KCTD15: variants seen among roughly 807,000 people sequenced by gnomAD.
KCTD15 encodes BTB/POZ domain-containing protein KCTD15.
Under a neutral mutation model 27.2 loss-of-function variants are expected in KCTD15, and 11 were observed. The ratio of observed to expected loss-of-function variants is 0.41; its 90% CI spans 0.25 to 0.67. The LOEUF is 0.67. Among genes scored for constraint, KCTD15 ranks in the 30% least tolerant of loss-of-function variants. The pLI is 0.35. For synonymous variants in KCTD15, 163 were observed against 176.0 expected, an observed-to-expected ratio of 0.93 and a Z score of 0.58; for missense variants, 350 against 409.3, an observed-to-expected ratio of 0.86 and a Z score of 1.25.
chr19:33,804,142 A>G (rs1485094808), intron 4 of KCTD15, among the ~76,000 whole-genome samples: 1 of 151,846 alleles, frequency 6.6e-6, no homozygotes, highest in Non-Finnish European at 1.5e-5. Flanking sequence ...GATTATCCTC[A>G]CCTTTCCTCA....
intron 2 of KCTD15, among the ~76,000 whole-genome samples, chr19:33,799,281 A>G (rs1253145057): frequency 6.6e-6 from 1 of 152,196 alleles, no homozygotes; most frequent in Non-Finnish European, 1.5e-5. Context: ...AAAATTGGAT[A>G]TTGAATTTCA....
At chr19:33,800,306 G>A (rs1327720901) in intron 2 of KCTD15, 122 bp from the exon 3 acceptor site, 4 of 748,742 alleles carry the variant, frequency 5.3e-6, no homozygotes, top group Non-Finnish European at 9.2e-6. Flanking sequence ...ATCAGGGAGG[G>A]CTGCATGGAC....
chr19:33,798,094 G>T (rs1206542844), intron 1 of KCTD15, among the ~76,000 whole-genome samples: 1 of 152,088 alleles, frequency 6.6e-6, no homozygotes, highest in East Asian at 1.9e-4. Context: ...GCGGGAGGGG[G>T]GGGGTGGGGA....
chr19:33,812,801 G>T lies in KCTD15; in HGVS notation c.705G>T (p.Arg235=). 6.8e-7 allele frequency: 1 copy of T among 1,477,696 alleles called. No individual in the cohort carries two copies. The highest frequency in any genetic ancestry group is 9.0e-7 in the Non-Finnish European group (1 of 1,109,268). The allele number at this position is 1,477,696 out of a possible 1,614,324, so 91.5% of individuals were successfully genotyped here. A position where few individuals can be genotyped will look rare whatever the true frequency, so the allele number is the denominator to read the frequency against. The change falls in exon 7 of 7, where the codon CGG becomes CGT. Residue 235 remains arginine, a synonymous_variant. Coordinates refer to ENST00000683859, the MANE Select transcript of KCTD15 (RefSeq NM_001129994.2). ...CRLNSVQVLE[R]LFQRGFSVAA... is the part of the protein sequence containing the mutation. ...TTCTTCCTGGGCAGGTCCTGGAGCG[G>T]CTGTTCCAGAGGGGTTTCAGCGTGG...
At chr19:33,812,404 A>T (rs1220583630) in intron 6 of KCTD15, 1 of 1,040,300 alleles carries the variant, frequency 9.6e-7, no homozygotes, top group Non-Finnish European at 1.2e-6. Flanking sequence ...ACTCTCCATT[A>T]TTGGGGCAGG....
Position 33,813,442 on chromosome 19 carries a change from A to C in KCTD15, c.*494A>C, listed in dbSNP as rs998503802. On this transcript the variant is annotated 3_prime_UTR_variant, in exon 7 of 7. Coordinates refer to ENST00000683859, the MANE Select transcript of KCTD15 (RefSeq NM_001129994.2). ...ACCAATGCTTCTTTATCTGGTGCTC[A>C]GTTCTCAGTCAGACGTGCAGCATGG... is the stretch of plus-strand genomic sequence containing the variant. 1 of 456,092 alleles carries C rather than the reference A, an allele frequency of 2.2e-6. No homozygotes were observed. Among genetic ancestry groups the C allele is most frequent in the Non-Finnish European group, 4.4e-6 (1 of 226,810 alleles). The allele number at this position is 456,092 out of a possible 1,614,324, so 28.3% of individuals were successfully genotyped here.
At chr19:33,812,263 A>T (rs918288514) in intron 6 of KCTD15, 2 of 1,026,474 alleles carry the variant, frequency 1.9e-6, no homozygotes, top group East Asian at 1.8e-4. Context: ...CAGAGACTCA[A>T]ATATTGAGAG....
rs1213276933 is a variant in KCTD15 at position 33,814,924 on chromosome 19, G to A, written c.*1976G>A. 2 of 152,328 alleles carry A rather than the reference G, an allele frequency of 1.3e-5. No individual in the cohort carries two copies. The highest frequency in any genetic ancestry group is 1.9e-4 in the East Asian group (1 of 5,186). 9.4% of individuals were successfully genotyped at this position (152,328 alleles called of 1,614,324 possible). ...GCAGACGCCATCCCACTGTACAATC[G>A]AATTTGCTGGACAAACTTGATAGGT... On this transcript the variant is annotated 3_prime_UTR_variant, in exon 7 of 7. Coordinates refer to ENST00000683859, the MANE Select transcript of KCTD15 (RefSeq NM_001129994.2).
chr19:33,795,587 C>T (rs1273679939), upstream of KCTD15, among the ~76,000 whole-genome samples: 2 of 151,946 alleles, frequency 1.3e-5, no homozygotes, highest in Non-Finnish European at 2.9e-5. Flanking sequence ...CAGGCGGGGG[C>T]GCAGTGCCGG....
At chr19:33,795,774 C>G (rs1975301227), upstream of KCTD15, among the ~76,000 whole-genome samples, 1 of 151,472 alleles carries the variant, frequency 6.6e-6, no homozygotes, top group Admixed American at 6.6e-5. Context: ...GGGGCGCGGA[C>G]CTCGGCCGCG....
intron 1 of KCTD15, among the ~76,000 whole-genome samples, chr19:33,797,247 G>GGTGTGTGTGTGT (rs751185346): frequency 4.4e-4 from 53 of 120,784 alleles, no homozygotes; most frequent in African/African-American, 1.3e-3. Flanking sequence ...CCTGCCGCGC[G>GGTGTGTGTGTGT]GTGTGTGTGT....
At position 33,813,103 on chromosome 19, in the gene KCTD15, C is replaced by T; in HGVS notation, c.*155C>T. On this transcript the variant is annotated 3_prime_UTR_variant, in exon 7 of 7. Transcript: ENST00000683859. ...AGCACCAGGGTCCCAGGTGTCATGG[C>T]AACAGAACGTGGGATGCTGGAGGCA... is the stretch of plus-strand genomic sequence containing the variant. 1 of 738,832 alleles carries T rather than the reference C, an allele frequency of 1.4e-6. No individual in the cohort carries two copies. The highest frequency in any genetic ancestry group is 2.3e-6 in the Non-Finnish European group (1 of 444,342). The allele number at this position is 738,832 out of a possible 1,614,324, so 45.8% of individuals were successfully genotyped here. A position where few individuals can be genotyped will look rare whatever the true frequency, so the allele number is the denominator to read the frequency against.
At chr19:33,800,349 C>A in intron 2 of KCTD15, 79 bp from the exon 3 acceptor site, 1 of 1,195,376 alleles carries the variant, frequency 8.4e-7, no homozygotes, top group Non-Finnish European at 1.2e-6. Context: ...GCAGAAAGGA[C>A]AATTCTAAGT....
chr19:33,813,277 G>A lies in KCTD15; in HGVS notation c.*329G>A, dbSNP rs1975989207. ...GGCGGGGTTGGAAGAGCCGTCTGCA[G>A]CTACTTCAGAGGAGCTGTTTATCCC... On this transcript the variant is annotated 3_prime_UTR_variant, in exon 7 of 7. Coordinates refer to ENST00000683859, the MANE Select transcript of KCTD15 (RefSeq NM_001129994.2). The A allele has an allele frequency of 1.7e-6, 1 of 588,604 alleles. No homozygotes were observed. 36.5% of individuals were successfully genotyped at this position (588,604 alleles called of 1,614,324 possible).
At chr19:33,794,961 G>C (rs917120485), upstream of KCTD15, among the ~76,000 whole-genome samples, 58 of 152,228 alleles carry the variant, frequency 3.8e-4, no homozygotes, top group African/African-American at 1.4e-3. Flanking sequence ...GAGGTACCGG[G>C]GCGTAGGGAG....
Position 33,813,055 on chromosome 19 carries a change from G to A in KCTD15, c.*107G>A, listed in dbSNP as rs1975980589. On this transcript the variant is annotated 3_prime_UTR_variant, in exon 7 of 7. Transcript: ENST00000683859. ...GGGCATGAGACCGAGGGTGAGGCTG[G>A]AGGGTCCAAAGCTGGCCCAGCGAGC... The A allele has an allele frequency of 1.6e-6, 2 of 1,231,196 alleles. No homozygotes were observed. Among genetic ancestry groups the A allele is most frequent in the African/African-American group, 1.5e-5 (1 of 67,304 alleles). 76.3% of individuals were successfully genotyped at this position (1,231,196 alleles called of 1,614,324 possible).
At position 33,800,423 on chromosome 19, in the gene KCTD15, C is replaced by T. The variant is rs140956527; in HGVS notation, c.-27-5C>T. The T allele has an allele frequency of 1.5e-3, 2,304 of 1,588,386 alleles. 15 individuals are homozygous for T. The highest frequency in any genetic ancestry group is 8.4e-3 in the African/African-American group (628 of 74,750). On this transcript the variant is annotated splice_region_variant and splice_polypyrimidine_tract_variant and intron_variant, in intron 2 of 6. Coordinates refer to ENST00000683859, the MANE Select transcript of KCTD15 (RefSeq NM_001129994.2). ...CTTCTCTGGTTTTGTCGATGCCTCCCGCAGATACTCTGGGCAGGGATGGAA... is the reference window on the plus strand; with the variant it reads ...CTTCTCTGGTTTTGTCGATGCCTCCTGCAGATACTCTGGGCAGGGATGGAA...
chr19:33,795,803 C>A (rs1025984707), upstream of KCTD15: 2 of 151,960 alleles, frequency 1.3e-5, no homozygotes, highest in Non-Finnish European at 2.9e-5. Flanking sequence ...TGGCTGCCGC[C>A]GTCTCCATCG....
At chr19:33,801,699 C>G (rs557651553) in intron 4 of KCTD15, 1 of 198,768 alleles carries the variant, frequency 5.0e-6, no homozygotes, top group Non-Finnish European at 1.0e-5. Context: ...GACTTAGGCC[C>G]GGCCCCTGCA....
Sources: gnomAD v4.1 joint callset for allele counts (sites outside exome capture counted in the v4.1 genomes callset) on GRCh38, gnomAD v4.1.1 for gene constraint, MANE v1.5 for transcripts, NCBI Gene and HGNC (gene_info 2026-07-23, HGNC 2026-07-21) for gene names.